TMCO5A: variants seen among roughly 807,000 people sequenced by gnomAD.
The protein encoded by TMCO5A is transmembrane and coiled-coil domains 5A.
A neutral mutation model predicts 42.3 loss-of-function variants in TMCO5A; 34 were observed. That is an observed-to-expected ratio of 0.80 (90% confidence interval 0.61 to 1.07). The LOEUF (loss-of-function observed/expected upper bound fraction) is 1.07. TMCO5A is among the 50% of genes least tolerant of loss of function. The probability of loss-of-function intolerance (pLI) is 0.00; values close to 1 mark genes in which losing one functional copy is unlikely to be tolerated. For missense variants in TMCO5A, 357 were observed against 327.9 expected (o/e 1.09, Z -0.69); for synonymous variants, 131 against 115.6 (o/e 1.13, Z -0.86).
At chr15:38,039,638 T>C in the TMCO5A span, among the ~76,000 whole-genome samples, 3 of 152,208 alleles carry the variant, frequency 2.0e-5, no homozygotes, top group African/African-American at 4.8e-5. Context: ...ACCAAGCACA[T>C]ACTTGAACTT....
chr15:37,939,642 A>G (rs556548434), intron 6 of TMCO5A, among the ~76,000 whole-genome samples: 17 of 152,094 alleles, frequency 1.1e-4, no homozygotes, highest in Non-Finnish European at 2.1e-4. Flanking sequence ...GAGTTCAAGA[A>G]TATTGTTTAA....
rs1889726741 is a variant in TMCO5A at position 37,941,189 on chromosome 15, A to G, written c.428A>G (p.Glu143Gly). 6.2e-7 allele frequency: 1 copy of G among 1,612,764 alleles called. No individual in the cohort carries two copies. The highest frequency in any genetic ancestry group is 8.5e-7 in the Non-Finnish European group (1 of 1,179,572). ...CTGGAAGCTTCCTATGCATGCCAAG[A>G]GAAGGAGCTGCTCAAGGTAACAGCA... ...QQLEASYACQ[E>G]KELLKVMKEY... Residue 143 changes from glutamate (E) to glycine (G), a missense_variant, in exon 7 of 12, where the codon GAG becomes GGG. By Grantham distance (98) the Glu-to-Gly change is moderately conservative (BLOSUM62 -2). Transcript: ENST00000319669.
intron 6 of TMCO5A, 84 bp from the exon 7 acceptor site, chr15:37,941,065 C>A: frequency 7.5e-7 from 1 of 1,338,230 alleles, no homozygotes; most frequent in Non-Finnish European, 1.1e-6. Flanking sequence ...CTCCTCACAG[C>A]TCGTGAGGCC....
At chr15:37,969,594 G>A (rs961614824), downstream of TMCO5A, among the ~76,000 whole-genome samples, 2 of 152,100 alleles carry the variant, frequency 1.3e-5, no homozygotes, top group African/African-American at 4.8e-5. Context: ...ACATGTGCTT[G>A]TTTGCTATAT....
chr15:37,980,979 C>T, the TMCO5A span, among the ~76,000 whole-genome samples: 1 of 152,042 alleles, frequency 6.6e-6, no homozygotes, highest in African/African-American at 2.4e-5. Flanking sequence ...ACTCTATTTT[C>T]TCTGCTGTAG....
chr15:38,015,429 AG>A, the TMCO5A span, among the ~76,000 whole-genome samples: 6 of 152,336 alleles, frequency 3.9e-5, no homozygotes, highest in African/African-American at 1.4e-4. Context: ...GTGGAACAAC[AG>A]GAACTGTATT....
chr15:37,988,586 C>T, the TMCO5A span, among the ~76,000 whole-genome samples: 9 of 151,776 alleles, frequency 5.9e-5, no homozygotes, highest in Non-Finnish European at 5.9e-5. Flanking sequence ...GTTAAAGGCC[C>T]TTTCTGCATC....
At chr15:38,038,098 C>T in the TMCO5A span, among the ~76,000 whole-genome samples, 139 of 152,158 alleles carry the variant, frequency 9.1e-4, no homozygotes, top group African/African-American at 3.1e-3. Flanking sequence ...TCCTCACCAT[C>T]CTATTTGCTC....
chr15:37,951,047 GTC>G lies in TMCO5A; in HGVS notation c.684_685del (p.Phe230HisfsTer51), dbSNP rs759657395. ...CATTCTCTTTTTAGGATTTTTTGCT[GTC>G]TCTTTTTCATCACCCTATTTTTCAT... On this transcript the variant is annotated frameshift_variant, in exon 12 of 12. Coordinates refer to ENST00000319669, the MANE Select transcript of TMCO5A (RefSeq NM_152453.4). LOFTEE classifies it high-confidence loss of function. 58 of 1,610,980 alleles carry G rather than the reference GTC, an allele frequency of 3.6e-5. No homozygotes were observed. The highest frequency in any genetic ancestry group is 4.7e-5 in the Non-Finnish European group (56 of 1,179,530).
chr15:38,010,456 C>CACACACACACACACAG, the TMCO5A span, among the ~76,000 whole-genome samples: 2 of 145,392 alleles, frequency 1.4e-5, no homozygotes, highest in African/African-American at 2.6e-5. Flanking sequence ...CACACACACA[C>CACACACACACACACAG]AGGAAGGGGC....
intron 11 of TMCO5A, among the ~76,000 whole-genome samples, chr15:37,959,633 A>G (rs1176857822): frequency 6.6e-6 from 1 of 152,102 alleles, no homozygotes; most frequent in Non-Finnish European, 1.5e-5. Context: ...ATATAATTCA[A>G]CAATGCTTCA....
chr15:38,033,213 C>T, the TMCO5A span, among the ~76,000 whole-genome samples: 2 of 152,192 alleles, frequency 1.3e-5, no homozygotes, highest in African/African-American at 2.4e-5. Context: ...CCCTTCTGCA[C>T]TCTCTCTTTC....
At chr15:37,979,401 T>C in the TMCO5A span, among the ~76,000 whole-genome samples, 2 of 152,288 alleles carry the variant, frequency 1.3e-5, no homozygotes, top group East Asian at 1.9e-4. Flanking sequence ...GAAACTGGAC[T>C]TCATTCTTGG....
the TMCO5A span, among the ~76,000 whole-genome samples, chr15:38,000,667 G>A: frequency 1.3e-5 from 2 of 151,508 alleles, no homozygotes; most frequent in African/African-American, 4.9e-5. Context: ...TTTCCTCTTA[G>A]TACTGCTTTT....
chr15:38,001,218 C>T, the TMCO5A span, among the ~76,000 whole-genome samples: 1 of 151,962 alleles, frequency 6.6e-6, no homozygotes, highest in East Asian at 1.9e-4. Context: ...TCTTATATAT[C>T]CTCTTGCTGC....
intron 11 of TMCO5A, among the ~76,000 whole-genome samples, chr15:37,950,795 G>A (rs1345998224): frequency 6.6e-6 from 1 of 152,002 alleles, no homozygotes; most frequent in East Asian, 1.9e-4. Flanking sequence ...CAAAAAATCA[G>A]AGAACAAAAT....
At chr15:37,975,105 GTGTT>G in the TMCO5A span, among the ~76,000 whole-genome samples, 25 of 152,150 alleles carry the variant, frequency 1.6e-4, no homozygotes, top group African/African-American at 6.0e-4. Flanking sequence ...ATCCAAGAGT[GTGTT>G]TGGTATAATT....
intron 11 of TMCO5A, among the ~76,000 whole-genome samples, chr15:37,948,717 TCCTCTCA>T (rs1432779630): frequency 1.3e-5 from 2 of 152,050 alleles, no homozygotes; most frequent in Non-Finnish European, 2.9e-5. Context: ...TAAATGTCTT[TCCTCTCA>T]TTCTGCTTCA....
chr15:37,971,642 G>A (rs1890675985), downstream of TMCO5A, among the ~76,000 whole-genome samples: 1 of 152,064 alleles, frequency 6.6e-6, no homozygotes, highest in South Asian at 2.1e-4. Context: ...GTTTTTAACA[G>A]CACCCAAGTC....
Sources: gnomAD v4.1 joint callset for allele counts (sites outside exome capture counted in the v4.1 genomes callset) on GRCh38, gnomAD v4.1.1 for gene constraint, MANE v1.5 for transcripts, NCBI Gene and HGNC (gene_info 2026-07-23, HGNC 2026-07-21) for gene names.